MYRIP: variants seen among roughly 807,000 people sequenced by gnomAD.
MYRIP encodes the protein myosin VIIA and Rab interacting protein.
MYRIP carries 49 observed loss-of-function variants against 98.0 expected under a neutral mutation model. That is an observed-to-expected ratio of 0.50 (90% CI 0.40 to 0.63). MYRIP has a LOEUF of 0.63. Ranked by LOEUF, MYRIP falls within the 30% of genes least tolerant of loss-of-function variation. The pLI is 0.00. For missense variants in MYRIP, 1,004 were observed against 1,058.2 expected (o/e 0.95, Z 0.71); for synonymous variants, 404 against 409.5 (o/e 0.99, Z 0.16).
intron 1 of MYRIP, among the ~76,000 whole-genome samples, chr3:39,831,661 T>A (rs1351347928): frequency 1.3e-5 from 2 of 152,312 alleles, no homozygotes; most frequent in Non-Finnish European, 1.5e-5. Context: ...TTTCATAAAA[T>A]ACACAGTTGA....
chr3:39,919,237 C>T (rs1286137410), intron 2 of MYRIP, among the ~76,000 whole-genome samples: 1 of 152,310 alleles, frequency 6.6e-6, no homozygotes, highest in Non-Finnish European at 1.5e-5. Flanking sequence ...ATTCCAGCTA[C>T]GCCCTACCTG....
At chr3:40,207,850 A>G (rs1575633839) in intron 10 of MYRIP, among the ~76,000 whole-genome samples, 2 of 152,314 alleles carry the variant, frequency 1.3e-5, no homozygotes, top group Middle Eastern at 6.8e-3. Flanking sequence ...GATTTCAATA[A>G]TATAACCAAT....
chr3:40,057,418 A>G (rs1947907157), intron 3 of MYRIP, among the ~76,000 whole-genome samples: 1 of 152,238 alleles, frequency 6.6e-6, no homozygotes, highest in Non-Finnish European at 1.5e-5. Context: ...CTTTTCTAAC[A>G]CATCAGAGCC....
At chr3:40,034,010 G>C (rs537061348) in intron 2 of MYRIP, among the ~76,000 whole-genome samples, 77 of 152,162 alleles carry the variant, frequency 5.1e-4, no homozygotes, top group Middle Eastern at 3.4e-3. Flanking sequence ...GGGAAAACTG[G>C]CTAGCCATAT....
At chr3:40,124,846 A>G (rs929934469) in intron 3 of MYRIP, among the ~76,000 whole-genome samples, 3 of 152,174 alleles carry the variant, frequency 2.0e-5, no homozygotes, top group Non-Finnish European at 2.9e-5. Context: ...CTGGCCTTGC[A>G]GTCTCCTCCA....
At chr3:40,079,447 C>T (rs1282054153) in intron 3 of MYRIP, among the ~76,000 whole-genome samples, 1 of 152,200 alleles carries the variant, frequency 6.6e-6, no homozygotes, top group African/African-American at 2.4e-5. Flanking sequence ...CCGTTAAATC[C>T]ACTGGACTAA....
chr3:40,102,081 G>C (rs1461111987), intron 3 of MYRIP, among the ~76,000 whole-genome samples: 3 of 152,192 alleles, frequency 2.0e-5, no homozygotes, highest in Non-Finnish European at 4.4e-5. Flanking sequence ...TAGTTCAGGG[G>C]AGCCCAGTGA....
At chr3:40,170,383 TTA>T (rs1426625859) in intron 8 of MYRIP, among the ~76,000 whole-genome samples, 2 of 152,134 alleles carry the variant, frequency 1.3e-5, no homozygotes, top group Non-Finnish European at 1.5e-5. Context: ...CTGAAAAGAA[TTA>T]TACTGAGTCC....
intron 1 of MYRIP, among the ~76,000 whole-genome samples, chr3:39,845,805 G>A (rs1941945463): frequency 1.4e-5 from 2 of 145,618 alleles, no homozygotes; most frequent in Non-Finnish European, 3.0e-5. Context: ...CAGCGCAAGA[G>A]CAGTTGCCCT....
chr3:40,106,722 A>G (rs1949056102), intron 3 of MYRIP, among the ~76,000 whole-genome samples: 1 of 152,024 alleles, frequency 6.6e-6, no homozygotes, highest in Non-Finnish European at 1.5e-5. Flanking sequence ...ATTTTATTTT[A>G]TATATGTAAA....
At chr3:40,225,238 C>T (rs1048165013) in intron 11 of MYRIP, among the ~76,000 whole-genome samples, 3 of 152,110 alleles carry the variant, frequency 2.0e-5, no homozygotes, top group African/African-American at 4.8e-5. Context: ...CATCCTTTCT[C>T]GCTTGTGGTC....
At chr3:40,257,230 G>A (rs1021886485) in intron 16 of MYRIP, among the ~76,000 whole-genome samples, 4 of 152,098 alleles carry the variant, frequency 2.6e-5, no homozygotes, top group Admixed American at 1.3e-4. Flanking sequence ...AGGCTAAGGC[G>A]GGGATCCCCT....
chr3:39,831,783 TC>T (rs1941455657), intron 1 of MYRIP, among the ~76,000 whole-genome samples: 1 of 152,226 alleles, frequency 6.6e-6, no homozygotes, highest in Non-Finnish European at 1.5e-5. Flanking sequence ...AATTAAAAAT[TC>T]AGTTTAGTTG....
intron 2 of MYRIP, among the ~76,000 whole-genome samples, chr3:39,928,763 A>G (rs9880374): frequency 0.37 from 56,135 of 151,704 alleles, 10,701 homozygotes; most frequent in East Asian, 0.46. Flanking sequence ...TCCCCCTTAA[A>G]ATCAGGAACA....
intron 2 of MYRIP, among the ~76,000 whole-genome samples, chr3:39,989,450 C>G (rs1946115494): frequency 6.6e-6 from 1 of 152,138 alleles, no homozygotes; most frequent in Non-Finnish European, 1.5e-5. Context: ...TAGGAACGCT[C>G]TTGTATAGCA....
At chr3:39,910,202 T>A (rs373762990) in intron 2 of MYRIP, among the ~76,000 whole-genome samples, 2 of 152,196 alleles carry the variant, frequency 1.3e-5, no homozygotes, top group Non-Finnish European at 2.9e-5. Flanking sequence ...TATTCTTATC[T>A]ATTTACAAAA....
chr3:40,114,377 A>G (rs976386636), intron 3 of MYRIP, among the ~76,000 whole-genome samples: 1 of 152,228 alleles, frequency 6.6e-6, no homozygotes, highest in Non-Finnish European at 1.5e-5. Context: ...GTGTGGGTAC[A>G]TTCTATGATG....
chr3:40,106,729 T>C (rs1949056332), intron 3 of MYRIP, among the ~76,000 whole-genome samples: 2 of 152,146 alleles, frequency 1.3e-5, no homozygotes, highest in African/African-American at 4.8e-5. Flanking sequence ...TTTATATATG[T>C]AAATTTTGTT....
intron 3 of MYRIP, among the ~76,000 whole-genome samples, chr3:40,119,267 C>A (rs1357220118): frequency 6.6e-6 from 1 of 152,030 alleles, no homozygotes; most frequent in Non-Finnish European, 1.5e-5. Flanking sequence ...TTAATGATTG[C>A]CATTCTAACT....
Sources: allele counts gnomAD v4.1 joint callset (sites outside exome capture counted in the v4.1 genomes callset), GRCh38; gene constraint gnomAD v4.1.1; transcripts MANE v1.5; gene names NCBI Gene and HGNC (gene_info 2026-07-23, HGNC 2026-07-21).